The following SOX6 variants were observed in gnomAD, a reference collection of about 807,000 sequenced individuals.
The protein encoded by SOX6 is transcription factor SOX-6.
SOX6 carries 11 observed loss-of-function variants against 97.8 expected under a neutral mutation model. The observed-to-expected ratio is 0.11, with a 90% CI of 0.07 to 0.19. The LOEUF is 0.19. Among genes scored for constraint, SOX6 ranks in the 10% least tolerant of loss-of-function variants. The pLI, the probability that SOX6 is intolerant of heterozygous loss-of-function variation, is 1.00. For synonymous variants in SOX6, 360 were observed against 371.4 expected, an observed-to-expected ratio of 0.97 and a Z score of 0.35; for missense variants, 810 against 1,039.5, an observed-to-expected ratio of 0.78 and a Z score of 3.04.
chr11:16,498,529 T>C (rs1860648221), intron 4 of SOX6, among the ~76,000 whole-genome samples: 1 of 151,352 alleles, frequency 6.6e-6, no homozygotes, highest in African/African-American at 2.4e-5. Context: ...GGATAAAGAG[T>C]CAAGACCCAT....
chr11:16,151,985 G>A (rs1392168585), intron 6 of SOX6, among the ~76,000 whole-genome samples: 1 of 152,060 alleles, frequency 6.6e-6, no homozygotes, highest in African/African-American at 2.4e-5. Flanking sequence ...GAAATACTTT[G>A]GGTTGAATTA....
At chr11:16,119,815 C>T (rs1180403538) in intron 6 of SOX6, among the ~76,000 whole-genome samples, 2 of 152,160 alleles carry the variant, frequency 1.3e-5, no homozygotes, top group Non-Finnish European at 2.9e-5. Context: ...GTTCTCTCTT[C>T]ATTTGTCTTA....
intron 3 of SOX6, among the ~76,000 whole-genome samples, chr11:16,670,660 C>T (rs140877742): frequency 6.6e-6 from 1 of 152,342 alleles, no homozygotes; most frequent in East Asian, 1.9e-4. Flanking sequence ...GCCCACAGCA[C>T]AGACTTCATA....
At chr11:16,174,088 A>T (rs368333748) in intron 6 of SOX6, among the ~76,000 whole-genome samples, 2 of 150,162 alleles carry the variant, frequency 1.3e-5, no homozygotes, top group Admixed American at 6.7e-5. Flanking sequence ...CCTCTCAGAC[A>T]AAAATGGGCT....
At chr11:16,141,733 C>A (rs141840678) in intron 6 of SOX6, among the ~76,000 whole-genome samples, 444 of 152,330 alleles carry the variant, frequency 2.9e-3, no homozygotes, top group African/African-American at 0.01. Flanking sequence ...GAGGGTCCCA[C>A]ACCCACGGAA....
intron 4 of SOX6, among the ~76,000 whole-genome samples, chr11:16,484,886 T>C (rs1305138584): frequency 6.6e-6 from 1 of 152,196 alleles, no homozygotes; most frequent in Non-Finnish European, 1.5e-5. Context: ...AAAGCTTTTA[T>C]AAAGTTCAAA....
intron 3 of SOX6, among the ~76,000 whole-genome samples, chr11:16,294,642 TACCA>T (rs1381658052): frequency 2.0e-5 from 3 of 152,104 alleles, no homozygotes; most frequent in Non-Finnish European, 4.4e-5. Context: ...TAATGGCTAC[TACCA>T]ACCATTTTAT....
intron 3 of SOX6, among the ~76,000 whole-genome samples, chr11:16,681,613 G>A (rs1414690308): frequency 6.6e-6 from 1 of 152,086 alleles, no homozygotes; most frequent in Non-Finnish European, 1.5e-5. Flanking sequence ...TAAGATCAGA[G>A]AAGAACTGAA....
chr11:16,253,874 G>A (rs1853596741), intron 3 of SOX6, among the ~76,000 whole-genome samples: 1 of 151,934 alleles, frequency 6.6e-6, no homozygotes, highest in African/African-American at 2.4e-5. Flanking sequence ...GAGGCACAAA[G>A]AACACTAAGT....
chr11:16,572,443 A>G (rs1327233628), intron 4 of SOX6, among the ~76,000 whole-genome samples: 1 of 152,202 alleles, frequency 6.6e-6, no homozygotes, highest in South Asian at 2.1e-4. Flanking sequence ...TTAAACAGAA[A>G]ACCTATACAG....
chr11:16,072,640 C>T (rs1050947120), intron 9 of SOX6, among the ~76,000 whole-genome samples: 1 of 152,084 alleles, frequency 6.6e-6, no homozygotes, highest in South Asian at 2.1e-4. Flanking sequence ...CTAAGACATA[C>T]AGTCATCAGA....
At chr11:16,161,618 G>A (rs1011898352) in intron 6 of SOX6, among the ~76,000 whole-genome samples, 2 of 152,182 alleles carry the variant, frequency 1.3e-5, no homozygotes, top group African/African-American at 2.4e-5. Context: ...CTTTACTAGC[G>A]CCACAAAACT....
At chr11:15,992,766 AG>A in intron 13 of SOX6, among the ~76,000 whole-genome samples, 1 of 152,324 alleles carries the variant, frequency 6.6e-6, no homozygotes, top group African/African-American at 2.4e-5. Flanking sequence ...GTCTTTTCGA[AG>A]TGACTATGCC....
Position 15,998,996 on chromosome 11 carries a change from G to GA in SOX6, c.1733-9767dup, listed in dbSNP as rs1218379731. On this transcript the variant is annotated intron_variant, in intron 13 of 15. Coordinates refer to ENST00000683767, the MANE Select transcript of SOX6 (RefSeq NM_001367873.1). ...AAATAAAATGTCAAAGCACATACTGGAAAAAATATTTGGAACACACATATC... is the reference window on the plus strand; with the variant it reads ...AAATAAAATGTCAAAGCACATACTGGAAAAAAATATTTGGAACACACATATC... Among the ~76,000 whole-genome samples, 6 of 151,944 alleles carry GA rather than the reference G, an allele frequency of 3.9e-5. No individual in the cohort carries two copies. The South Asian group carries it at 1.2e-3, about 32-fold the overall frequency.
chr11:16,639,590 T>C (rs1364950952), intron 3 of SOX6, among the ~76,000 whole-genome samples: 1 of 152,236 alleles, frequency 6.6e-6, no homozygotes, highest in African/African-American at 2.4e-5. Context: ...TTTTATTTCG[T>C]TGAGCAGTAA....
intron 4 of SOX6, chr11:16,484,754 G>A (rs139222521): frequency 7.0e-6 from 3 of 428,488 alleles, no homozygotes; most frequent in Non-Finnish European, 1.3e-5. Flanking sequence ...GAAATAAGTT[G>A]CATCATCAAA....
chr11:16,301,904 A>G (rs1206707387), intron 3 of SOX6, among the ~76,000 whole-genome samples: 1 of 152,146 alleles, frequency 6.6e-6, no homozygotes, highest in East Asian at 1.9e-4. Flanking sequence ...GGAATACTCA[A>G]ACTTGGTATA....
chr11:16,700,414 T>C (rs547389036), intron 3 of SOX6, among the ~76,000 whole-genome samples: 2 of 152,288 alleles, frequency 1.3e-5, no homozygotes, highest in South Asian at 2.1e-4. Context: ...TGAAGAATTT[T>C]GTCTTAGTCC....
intron 15 of SOX6, 140 bp from the exon 16 acceptor site, chr11:15,973,252 T>A: frequency 1.2e-6 from 1 of 841,040 alleles, no homozygotes; most frequent in Non-Finnish European, 1.9e-6. Context: ...AAATAAAATG[T>A]GACAAAGGTG....
Sources: allele counts gnomAD v4.1 joint callset (sites outside exome capture counted in the v4.1 genomes callset), GRCh38; gene constraint gnomAD v4.1.1; transcripts MANE v1.5; gene names NCBI Gene and HGNC (gene_info 2026-07-23, HGNC 2026-07-21).